Variants in VTI1A observed in about 807,000 individuals in gnomAD.
VTI1A encodes vesicle transport through interaction with t-SNAREs homolog 1A.
A neutral mutation model predicts 34.9 loss-of-function variants in VTI1A; 22 were observed. The ratio of observed to expected loss-of-function variants is 0.63; its 90% CI spans 0.45 to 0.90. The LOEUF (loss-of-function observed/expected upper bound fraction) is 0.90, where lower values mean the gene tolerates loss of function less well. Among genes scored for constraint, VTI1A ranks in the 40% least tolerant of loss-of-function variants. VTI1A has a pLI of 0.00. For synonymous variants in VTI1A, 87 were observed against 97.3 expected (o/e 0.89, Z 0.62); for missense variants, 268 against 275.6 (o/e 0.97, Z 0.20).
chr10:112,505,087 C>T (rs1008605068), intron 3 of VTI1A, among the ~76,000 whole-genome samples: 1 of 151,976 alleles, frequency 6.6e-6, no homozygotes, highest in Non-Finnish European at 1.5e-5. Flanking sequence ...TAGTCAAACA[C>T]TAAATTTATC....
At chr10:112,851,948 A>G in the VTI1A span, among the ~76,000 whole-genome samples, 1 of 152,184 alleles carries the variant, frequency 6.6e-6, no homozygotes, top group African/African-American at 2.4e-5. Flanking sequence ...ACTTAAGAGA[A>G]TGTTGTGTTT....
At chr10:112,686,827 G>A (rs1700617771) in intron 7 of VTI1A, among the ~76,000 whole-genome samples, 1 of 152,106 alleles carries the variant, frequency 6.6e-6, no homozygotes, top group South Asian at 2.1e-4. Flanking sequence ...TGGTTTCGTG[G>A]TGTTTTTCTA....
intron 7 of VTI1A, among the ~76,000 whole-genome samples, chr10:112,755,987 A>T (rs1448953120): frequency 6.6e-6 from 1 of 152,104 alleles, no homozygotes; most frequent in South Asian, 2.1e-4. Flanking sequence ...TAAGTACTGT[A>T]CCAAAAGCAG....
At chr10:112,710,281 C>T (rs187771068) in intron 7 of VTI1A, among the ~76,000 whole-genome samples, 28 of 150,166 alleles carry the variant, frequency 1.9e-4, no homozygotes, top group African/African-American at 6.4e-4. Flanking sequence ...GCTCTCAGCT[C>T]GCTGCAACCT....
intron 5 of VTI1A, among the ~76,000 whole-genome samples, chr10:112,570,525 A>G (rs933353826): frequency 4.6e-5 from 7 of 152,236 alleles, no homozygotes; most frequent in African/African-American, 1.7e-4. Flanking sequence ...AAGTTCAGTG[A>G]ATGCTGACCC....
the VTI1A span, among the ~76,000 whole-genome samples, chr10:112,833,731 A>G: frequency 1.1e-3 from 162 of 152,088 alleles, no homozygotes; most frequent in African/African-American, 3.6e-3. Context: ...CTGACACTCT[A>G]TTTCTCCTTG....
At chr10:112,672,391 C>T (rs1301933961) in intron 7 of VTI1A, among the ~76,000 whole-genome samples, 1 of 151,142 alleles carries the variant, frequency 6.6e-6, no homozygotes, top group Admixed American at 6.6e-5. Flanking sequence ...TAGTAAAACT[C>T]GACATCAGAA....
chr10:112,782,606 G>A (rs7099463), intron 7 of VTI1A, among the ~76,000 whole-genome samples: 105,314 of 152,134 alleles, frequency 0.69, 36,978 homozygotes, highest in East Asian at 0.95. Flanking sequence ...GGGGCTGTTC[G>A]AGCTGGTGCC....
At chr10:112,748,102 A>G (rs918920660) in intron 7 of VTI1A, among the ~76,000 whole-genome samples, 4 of 152,088 alleles carry the variant, frequency 2.6e-5, no homozygotes, top group African/African-American at 9.7e-5. Context: ...TCACTCAGCT[A>G]ATCTTGGTGG....
intron 5 of VTI1A, among the ~76,000 whole-genome samples, chr10:112,640,091 C>CA (rs2134662840): frequency 6.6e-6 from 1 of 152,186 alleles, no homozygotes; most frequent in South Asian, 2.1e-4. Context: ...TTTCTTTACC[C>CA]AAAGACTTAA....
At chr10:112,771,090 C>T (rs1162290553) in intron 7 of VTI1A, among the ~76,000 whole-genome samples, 1 of 152,142 alleles carries the variant, frequency 6.6e-6, no homozygotes, top group Non-Finnish European at 1.5e-5. Flanking sequence ...GGCGCCCTTT[C>T]TAGTGTGTAA....
rs186747323 is a variant in VTI1A, at chr10:112,578,823, T to C, written c.427+40493T>C. On this transcript the variant is annotated intron_variant, in intron 5 of 7. Coordinates refer to ENST00000393077, the MANE Select transcript of VTI1A (RefSeq NM_145206.4). ...CATGATTGTAAGATGTGTATCTTTT[T>C]ACAATTTAACATTTCTGTAATTAGA... Among the ~76,000 whole-genome samples, 6 of 152,344 alleles carry C rather than the reference T, an allele frequency of 3.9e-5. No homozygotes were observed. In the East Asian group the frequency reaches 1.2e-3, roughly 29 times the overall value.
intron 7 of VTI1A, among the ~76,000 whole-genome samples, chr10:112,764,180 G>C (rs1202872359): frequency 6.6e-6 from 1 of 152,150 alleles, no homozygotes; most frequent in Non-Finnish European, 1.5e-5. Flanking sequence ...TAAGGGTAGG[G>C]ATTTTATCTC....
intron 5 of VTI1A, among the ~76,000 whole-genome samples, chr10:112,592,887 G>A (rs560187693): frequency 1.3e-5 from 2 of 152,324 alleles, no homozygotes; most frequent in South Asian, 2.1e-4. Context: ...CTTGTGTTAC[G>A]TTCCATGAAG....
chr10:112,457,537 A>G (rs992656776), intron 1 of VTI1A, among the ~76,000 whole-genome samples: 6 of 152,198 alleles, frequency 3.9e-5, no homozygotes, highest in Non-Finnish European at 8.8e-5. Context: ...GCCTTCAAAG[A>G]AGTGATGATT....
intron 5 of VTI1A, among the ~76,000 whole-genome samples, chr10:112,623,550 C>G (rs189386210): frequency 2.8e-4 from 43 of 151,810 alleles, no homozygotes; most frequent in African/African-American, 1.0e-3. Context: ...GATCCCGTCA[C>G]GATCCGAAAC....
chr10:112,538,511 A>G (rs1850738721), intron 5 of VTI1A, 181 bp downstream of exon 5: 1 of 577,848 alleles, frequency 1.7e-6, no homozygotes, highest in African/African-American at 1.9e-5. Flanking sequence ...AAGGCATGAC[A>G]TCTACTGAAA....
At position 112,479,027 on chromosome 10, in the gene VTI1A, C is replaced by T. The variant is rs376147460; in HGVS notation, c.264+14370C>T. On this transcript the variant is annotated intron_variant, in intron 3 of 7. Coordinates refer to ENST00000393077, the MANE Select transcript of VTI1A (RefSeq NM_145206.4). Reference sequence around the variant, plus strand: ...ACTAAAAATACAAAAATTAGCCAGGCGTGGTGGCACGCGCCTGTAATCCCA... The same window carrying T: ...ACTAAAAATACAAAAATTAGCCAGGTGTGGTGGCACGCGCCTGTAATCCCA... 6.6e-5 allele frequency among the ~76,000 whole-genome samples: 10 copies of T among 152,178 alleles called. 1 individual carries two copies. In the East Asian group the frequency reaches 9.7e-4, roughly 15 times the overall value.
chr10:112,842,213 T>A, the VTI1A span, among the ~76,000 whole-genome samples: 3 of 152,018 alleles, frequency 2.0e-5, no homozygotes, highest in Non-Finnish European at 4.4e-5. Context: ...GATGGAAAAG[T>A]GATAGGGTTT....
Sources: allele counts gnomAD v4.1 joint callset (sites outside exome capture counted in the v4.1 genomes callset), GRCh38; gene constraint gnomAD v4.1.1; transcripts MANE v1.5; gene names NCBI Gene and HGNC (gene_info 2026-07-23, HGNC 2026-07-21).